Variants in GXYLT1 observed in about 807,000 individuals in gnomAD.
The protein encoded by GXYLT1 is glycosyltransferase 8 domain containing 3.
In GXYLT1, 29 loss-of-function variants were observed where a neutral mutation model predicts 54.0. The ratio of observed to expected loss-of-function variants is 0.54; its 90% CI spans 0.40 to 0.73. GXYLT1 has a LOEUF of 0.73. GXYLT1 is among the 30% of genes least tolerant of loss of function. The pLI is 0.00. For missense variants in GXYLT1, 490 were observed against 553.4 expected, an observed-to-expected ratio of 0.89 and a Z score of 1.15; for synonymous variants, 176 against 204.1, an observed-to-expected ratio of 0.86 and a Z score of 1.17.
chr12:42,134,260 T>C (rs868071256), intron 1 of GXYLT1, among the ~76,000 whole-genome samples: 1 of 152,078 alleles, frequency 6.6e-6, no homozygotes, highest in African/African-American at 2.4e-5. Flanking sequence ...TCCTGGACCC[T>C]GTCAGAAACT....
At position 42,111,659 on chromosome 12, in the gene GXYLT1, C is replaced by A. The variant is rs552349618; in HGVS notation, c.487-1968G>T. 2.1e-4 allele frequency among the ~76,000 whole-genome samples: 32 copies of A among 152,346 alleles called. 1 individual carries two copies. In the East Asian group the frequency reaches 6.2e-3, roughly 29 times the overall value. On this transcript the variant is annotated intron_variant, in intron 3 of 7. Coordinates refer to ENST00000398675, the MANE Select transcript of GXYLT1 (RefSeq NM_173601.2). Reference sequence around the variant, plus strand: ...CAGGAAGCTCGAACTGGGTGGAGCCCACCACAGCTCAAGGAGGCCTGCCTG... The same window carrying A: ...CAGGAAGCTCGAACTGGGTGGAGCCAACCACAGCTCAAGGAGGCCTGCCTG...
At chr12:42,115,931 G>A (rs2065491619) in intron 3 of GXYLT1, among the ~76,000 whole-genome samples, 1 of 128,046 alleles carries the variant, frequency 7.8e-6, no homozygotes, top group South Asian at 3.3e-4. Flanking sequence ...CCAAAACAGA[G>A]ATATAGACCA....
chr12:42,098,760 C>CAT (rs60199719), intron 5 of GXYLT1, among the ~76,000 whole-genome samples: 12,257 of 96,876 alleles, frequency 0.13, 1,305 homozygotes, highest in Non-Finnish European at 0.16. Flanking sequence ...AAATTTAAAA[C>CAT]ATATATATAT....
At chr12:42,112,703 T>A (rs1163975274) in intron 3 of GXYLT1, among the ~76,000 whole-genome samples, 5 of 152,082 alleles carry the variant, frequency 3.3e-5, no homozygotes, top group Admixed American at 2.0e-4. Flanking sequence ...TGGAACCAAG[T>A]TGGAAAACAC....
intron 1 of GXYLT1, among the ~76,000 whole-genome samples, chr12:42,133,667 C>T (rs1054130538): frequency 6.6e-6 from 1 of 152,214 alleles, no homozygotes; most frequent in Non-Finnish European, 1.5e-5. Context: ...AGTACCAAAT[C>T]CTACTTTCCT....
At chr12:42,111,693 G>A (rs1235892774) in intron 3 of GXYLT1, among the ~76,000 whole-genome samples, 1 of 152,240 alleles carries the variant, frequency 6.6e-6, no homozygotes, top group African/African-American at 2.4e-5. Context: ...TGCCTCTGTA[G>A]GCTCCACCTC....
At chr12:42,127,017 T>C (rs2065566869) in intron 2 of GXYLT1, among the ~76,000 whole-genome samples, 1 of 152,194 alleles carries the variant, frequency 6.6e-6, no homozygotes, top group South Asian at 2.1e-4. Context: ...GTTCACTGTA[T>C]AATAAATTAA....
chr12:42,102,584 GCAAA>G (rs985687710), intron 5 of GXYLT1, among the ~76,000 whole-genome samples: 69 of 152,142 alleles, frequency 4.5e-4, no homozygotes, highest in African/African-American at 1.6e-3. Flanking sequence ...AGTAGGTGGA[GCAAA>G]CAGACAAAAA....
chr12:42,103,155 C>T (rs888864449), intron 5 of GXYLT1, among the ~76,000 whole-genome samples: 2 of 152,100 alleles, frequency 1.3e-5, no homozygotes, highest in Non-Finnish European at 2.9e-5. Flanking sequence ...GATGGGGTTT[C>T]ACTGTGTTGG....
intron 5 of GXYLT1, among the ~76,000 whole-genome samples, chr12:42,101,823 C>T (rs1007022364): frequency 1.2e-4 from 19 of 152,086 alleles, no homozygotes; most frequent in Non-Finnish European, 1.8e-4. Flanking sequence ...CCACCTGCCT[C>T]GGCCTCCCAA....
At chr12:42,141,586 G>C (rs2065652649) in intron 1 of GXYLT1, among the ~76,000 whole-genome samples, 1 of 151,290 alleles carries the variant, frequency 6.6e-6, no homozygotes, top group Non-Finnish European at 1.5e-5. Context: ...ATATTAACTA[G>C]CTTAACTGTG....
chr12:42,126,202 T>G (rs1190653074), intron 2 of GXYLT1, among the ~76,000 whole-genome samples: 1 of 151,958 alleles, frequency 6.6e-6, no homozygotes, highest in African/African-American at 2.4e-5. Flanking sequence ...GTCTCCCAAG[T>G]AGCTTGAACT....
At chr12:42,125,378 T>G (rs2065554546) in intron 2 of GXYLT1, among the ~76,000 whole-genome samples, 1 of 152,168 alleles carries the variant, frequency 6.6e-6, no homozygotes, top group Admixed American at 6.5e-5. Context: ...GAAATACAGG[T>G]CTGGCTCTCA....
intron 2 of GXYLT1, among the ~76,000 whole-genome samples, chr12:42,123,577 T>A (rs566307335): frequency 6.6e-6 from 1 of 150,986 alleles, no homozygotes; most frequent in African/African-American, 2.4e-5. Flanking sequence ...GTCTTAAGAA[T>A]TGACTTCTTA....
In GXYLT1 at chr12:42,082,202, G is replaced by A. The variant is rs1565560093; in HGVS notation, c.*5584C>T. ...AATGATTGAGAAAATTGAAATACCT[G>A]CAACCTTTTCCAGTTTGACTTCAGG... On this transcript the variant is annotated 3_prime_UTR_variant, in exon 8 of 8. Coordinates refer to ENST00000398675, the MANE Select transcript of GXYLT1 (RefSeq NM_173601.2). 2.0e-5 allele frequency: 3 copies of A among 152,104 alleles called. No individual in the cohort carries two copies. The highest frequency in any genetic ancestry group is 6.5e-5 in the Admixed American group (1 of 15,280). The allele number at this position is 152,104 out of a possible 1,614,324, so 9.4% of individuals were successfully genotyped here.
At position 42,097,989 on chromosome 12, in the gene GXYLT1, C is replaced by T. The variant is rs762323013; in HGVS notation, c.909G>A (p.Met303Ile). Residue 303 changes from methionine to isoleucine, a missense_variant, in exon 6 of 8, where the codon ATG becomes ATA. Around this residue, in one of 2 missense-constraint regions of GXYLT1, gnomAD observed 342 missense variants for 342.6 expected, o/e 1.00. Coordinates refer to ENST00000398675, the MANE Select transcript of GXYLT1 (RefSeq NM_173601.2). Reference protein sequence around the residue: ...TVRLQWGDILMPLLKKYKLNI... With the variant: ...TVRLQWGDILIPLLKKYKLNI... Reference sequence around the variant, plus strand: ...TTAGTTTGTATTTTTTAAGCAATGGCATAAGTATATCTCCCCATTGTAGTC... The same window carrying T: ...TTAGTTTGTATTTTTTAAGCAATGGTATAAGTATATCTCCCCATTGTAGTC... The T allele has an allele frequency of 5.0e-6, 8 of 1,603,980 alleles. 1 individual carries two copies. The South Asian group carries it at 7.7e-5, about 15-fold the overall frequency.
At chr12:42,140,302 A>G (rs1215924895) in intron 1 of GXYLT1, among the ~76,000 whole-genome samples, 2 of 151,770 alleles carry the variant, frequency 1.3e-5, no homozygotes, top group African/African-American at 4.8e-5. Context: ...TCTAAAACAT[A>G]AATTCCTGGA....
At chr12:42,099,932 G>C (rs1379269883) in intron 5 of GXYLT1, among the ~76,000 whole-genome samples, 1 of 152,108 alleles carries the variant, frequency 6.6e-6, no homozygotes, top group Non-Finnish European at 1.5e-5. Context: ...TAGCCATTAA[G>C]CACAATGCTG....
chr12:42,111,151 G>A lies in GXYLT1; in HGVS notation c.487-1460C>T, dbSNP rs867563546. Among the ~76,000 whole-genome samples the A allele has an allele frequency of 3.0e-4, 45 of 152,164 alleles. 1 individual carries two copies. Among genetic ancestry groups the A allele is most frequent in the Admixed American group, 3.9e-4 (6 of 15,280 alleles). On this transcript the variant is annotated intron_variant, in intron 3 of 7. Transcript: ENST00000398675. ...ATATTTTAAAAAACAATCCAGGGAG[G>A]AGCCAAGATGGCCGAATAGGAACAG...
Sources: gnomAD v4.1 joint callset for allele counts (sites outside exome capture counted in the v4.1 genomes callset) on GRCh38, gnomAD v4.1.1 for gene constraint, gnomAD v4.1.1 regional missense constraint, MANE v1.5 for transcripts, NCBI Gene and HGNC (gene_info 2026-07-23, HGNC 2026-07-21) for gene names.